The following ADAM22 variants were observed in gnomAD, a reference collection of about 807,000 sequenced individuals.
ADAM22 encodes ADAM metallopeptidase domain 22.
ADAM22 carries 65 observed loss-of-function variants against 144.6 expected under a neutral mutation model. The ratio of observed to expected loss-of-function variants is 0.45; its 90% confidence interval spans 0.37 to 0.55. The LOEUF (loss-of-function observed/expected upper bound fraction) is 0.55. ADAM22 is among the 20% of genes least tolerant of loss of function. ADAM22 has a pLI of 0.00. For synonymous variants in ADAM22, 391 were observed against 412.6 expected (o/e 0.95, Z 0.63); for missense variants, 974 against 1,184.9 (o/e 0.82, Z 2.61).
chr7:88,166,032 A>G, intron 24 of ADAM22, 86 bp downstream of exon 24: 1 of 888,072 alleles, frequency 1.1e-6, no homozygotes, highest in South Asian at 1.8e-5. Flanking sequence ...AGTTATTTTT[A>G]TGATAATCAG....
intron 4 of ADAM22, among the ~76,000 whole-genome samples, chr7:88,081,686 A>G (rs1816704902): frequency 9.7e-6 from 1 of 103,440 alleles, no homozygotes; most frequent in Non-Finnish European, 1.9e-5. Flanking sequence ...AAGCATTCTT[A>G]TACACCAATA....
intron 23 of ADAM22, among the ~76,000 whole-genome samples, chr7:88,165,224 A>T (rs1186539243): frequency 6.6e-6 from 1 of 152,080 alleles, no homozygotes; most frequent in African/African-American, 2.4e-5. Flanking sequence ...TAATATAAAA[A>T]AAAATGGTGT....
intron 3 of ADAM22, among the ~76,000 whole-genome samples, chr7:88,001,188 G>A (rs901800904): frequency 1.3e-5 from 2 of 152,314 alleles, no homozygotes; most frequent in East Asian, 3.9e-4. Context: ...GGGGACAGAA[G>A]TGTTTGGATT....
chr7:88,134,365 C>T lies in ADAM22; in HGVS notation c.1114C>T (p.Gln372Ter), dbSNP rs1463028436. 1 of 1,608,674 alleles carries T rather than the reference C, an allele frequency of 6.2e-7. No homozygotes were observed. Among genetic ancestry groups the T allele is most frequent in the Non-Finnish European group, 8.5e-7 (1 of 1,178,118 alleles). Residue 372 changes from glutamine (Q) to a stop codon, truncating the protein, a stop_gained, in exon 13 of 32, where the codon CAG (glutamine) becomes TAG (stop). Coordinates refer to ENST00000413139, the MANE Select transcript of ADAM22 (RefSeq NM_001324418.2). LOFTEE classifies it high-confidence loss of function. ...TGATTTAATGGCTGTTACACTTGCC[C>T]AGTCATTAGCCCATAATATTGGTAT... The part of the protein sequence containing the change: ...KTDLMAVTLA[Q>*]SLAHNIGIIS...
intron 3 of ADAM22, among the ~76,000 whole-genome samples, chr7:88,009,270 A>T (rs1349167673): frequency 6.6e-6 from 1 of 152,224 alleles, no homozygotes; most frequent in Non-Finnish European, 1.5e-5. Context: ...TCAGTATTTC[A>T]CAAGTCAGTC....
intron 3 of ADAM22, among the ~76,000 whole-genome samples, chr7:88,055,380 C>CT (rs1003672183): frequency 1.2e-4 from 18 of 151,036 alleles, no homozygotes; most frequent in African/African-American, 2.2e-4. Context: ...AAAAAAATCG[C>CT]TTTTTTTTTC....
chr7:87,943,905 C>A (rs972649627), intron 2 of ADAM22, among the ~76,000 whole-genome samples: 1 of 152,020 alleles, frequency 6.6e-6, no homozygotes, highest in South Asian at 2.1e-4. Flanking sequence ...AATAATTGCC[C>A]TTTTGTTGCA....
rs532188563 is a variant in ADAM22, at chr7:88,159,623, A to AT, written c.1908-3384dup. ...CAACATACGCAAATTAGTAAATGTG[A>AT]TTTTTCACATAAACAGAACTAAAGA... On this transcript the variant is annotated intron_variant, in intron 22 of 31. Coordinates refer to ENST00000413139, the MANE Select transcript of ADAM22 (RefSeq NM_001324418.2). 1.3e-3 allele frequency among the ~76,000 whole-genome samples: 203 copies of AT among 152,264 alleles called. 2 individuals carry two copies. The highest frequency in any genetic ancestry group is 4.7e-3 in the African/African-American group (194 of 41,558).
chr7:88,024,466 C>T (rs1798527543), intron 3 of ADAM22, among the ~76,000 whole-genome samples: 1 of 151,972 alleles, frequency 6.6e-6, no homozygotes, highest in African/African-American at 2.4e-5. Flanking sequence ...TTTCATATGC[C>T]TGTTTGCCAT....
chr7:88,195,760 G>T (rs533274407), intron 31 of ADAM22, among the ~76,000 whole-genome samples: 1 of 152,020 alleles, frequency 6.6e-6, no homozygotes, highest in East Asian at 1.9e-4. Flanking sequence ...CTCGTGATCT[G>T]CCCATCTCGG....
intron 3 of ADAM22, among the ~76,000 whole-genome samples, chr7:88,029,843 A>G (rs546934589): frequency 8.6e-4 from 131 of 151,524 alleles, no homozygotes; most frequent in African/African-American, 2.9e-3. Flanking sequence ...ATCTGCTGCC[A>G]GGCATATTGG....
chr7:88,015,893 A>G (rs1043894228), intron 3 of ADAM22, among the ~76,000 whole-genome samples: 8 of 151,832 alleles, frequency 5.3e-5, no homozygotes, highest in Admixed American at 3.9e-4. Context: ...TTAGTGAATT[A>G]ATTTGTGGTA....
At chr7:87,977,869 A>G (rs1171893765) in intron 2 of ADAM22, among the ~76,000 whole-genome samples, 3 of 152,174 alleles carry the variant, frequency 2.0e-5, no homozygotes, top group African/African-American at 4.8e-5. Context: ...AGGAAATACT[A>G]TTTTTAAAGT....
intron 2 of ADAM22, among the ~76,000 whole-genome samples, chr7:87,969,007 A>C (rs1208235901): frequency 1.3e-5 from 2 of 152,188 alleles, no homozygotes; most frequent in Non-Finnish European, 2.9e-5. Context: ...GAACTCACTC[A>C]CTATCACAAG....
intron 30 of ADAM22, among the ~76,000 whole-genome samples, chr7:88,188,408 T>A (rs1472818515): frequency 1.3e-5 from 2 of 152,158 alleles, no homozygotes; most frequent in African/African-American, 4.8e-5. Flanking sequence ...CACCCCTGAT[T>A]GCACGTGCAA....
intron 3 of ADAM22, among the ~76,000 whole-genome samples, chr7:88,072,178 GT>G (rs1006824067): frequency 6.6e-5 from 10 of 152,224 alleles, no homozygotes; most frequent in African/African-American, 2.2e-4. Flanking sequence ...GCTGTTTTTG[GT>G]TTAAAATTAC....
chr7:88,201,065 C>T lies in ADAM22; in HGVS notation c.*4574C>T, dbSNP rs1159288875. On this transcript the variant is annotated 3_prime_UTR_variant, in exon 32 of 32. Coordinates refer to ENST00000413139, the MANE Select transcript of ADAM22 (RefSeq NM_001324418.2). Reference sequence around the variant, plus strand: ...AATTCCAAGAGGAGCTTTTCTCCCACATCTGCGGATGCAGAACAAAGATGC... The same window carrying T: ...AATTCCAAGAGGAGCTTTTCTCCCATATCTGCGGATGCAGAACAAAGATGC... 1 of 152,230 alleles carries T rather than the reference C, an allele frequency of 6.6e-6. No homozygotes were observed. The highest frequency in any genetic ancestry group is 2.1e-4 in the South Asian group (1 of 4,828). 9.4% of individuals were successfully genotyped at this position (152,230 alleles called of 1,614,324 possible).
Position 88,061,396 on chromosome 7 carries a change from G to A in ADAM22, c.324-14230G>A, listed in dbSNP as rs13437756. On this transcript the variant is annotated intron_variant, in intron 3 of 31. Coordinates refer to ENST00000413139, the MANE Select transcript of ADAM22 (RefSeq NM_001324418.2). ...TTTGCCCAGATCCATCAGAGGAATCGCTATCTATGGCAGCAATAGCCTTAC... is the reference window on the plus strand; with the variant it reads ...TTTGCCCAGATCCATCAGAGGAATCACTATCTATGGCAGCAATAGCCTTAC... Among the ~76,000 whole-genome samples the A allele has an allele frequency of 8.6e-3, 1,308 of 152,152 alleles. 22 individuals are homozygous for A. The highest frequency in any genetic ancestry group is 0.029 in the African/African-American group (1,221 of 41,510).
intron 22 of ADAM22, among the ~76,000 whole-genome samples, chr7:88,157,678 G>A (rs1444656328): frequency 1.3e-5 from 2 of 152,050 alleles, no homozygotes; most frequent in African/African-American, 2.4e-5. Flanking sequence ...CTACGAAACC[G>A]GCACATGTGG....
Sources: allele counts gnomAD v4.1 joint callset (sites outside exome capture counted in the v4.1 genomes callset), GRCh38; gene constraint gnomAD v4.1.1; transcripts MANE v1.5; gene names NCBI Gene and HGNC (gene_info 2026-07-23, HGNC 2026-07-21).